The following RSRC1 variants were observed in gnomAD, a reference collection of about 807,000 sequenced individuals.
The protein encoded by RSRC1 is arginine and serine rich coiled-coil 1, also known as serine/Arginine-related protein 53.
RSRC1 carries 39 observed loss-of-function variants against 49.1 expected under a neutral mutation model. That is an observed-to-expected ratio of 0.79 (90% CI 0.61 to 1.04). The LOEUF is 1.04. Among genes scored for constraint, RSRC1 ranks in the 50% least tolerant of loss-of-function variants. The pLI, the probability that RSRC1 is intolerant of heterozygous loss-of-function variation, is 0.00. For synonymous variants in RSRC1, 143 were observed against 130.8 expected (o/e 1.09, Z -0.63); for missense variants, 388 against 402.4 (o/e 0.96, Z 0.31).
At chr3:158,367,897 G>A (rs1021449712) in intron 6 of RSRC1, among the ~76,000 whole-genome samples, 3 of 151,874 alleles carry the variant, frequency 2.0e-5, no homozygotes, top group Admixed American at 6.6e-5. Flanking sequence ...TTAGCTTTTT[G>A]TTAATCCAAA....
At chr3:158,380,760 A>G (rs1309105423) in intron 6 of RSRC1, among the ~76,000 whole-genome samples, 2 of 152,124 alleles carry the variant, frequency 1.3e-5, no homozygotes, top group Admixed American at 6.6e-5. Flanking sequence ...TTTAGTGCTT[A>G]TATTTGGTGA....
chr3:158,362,426 T>C (rs1731530316), intron 6 of RSRC1, among the ~76,000 whole-genome samples: 1 of 152,200 alleles, frequency 6.6e-6, no homozygotes, highest in Admixed American at 6.5e-5. Flanking sequence ...TCAGAGAACA[T>C]TTTAGCTGTT....
In RSRC1 at chr3:158,509,304, A is replaced by G. The variant is rs57009264; in HGVS notation, c.653-27788A>G. 1.8e-3 allele frequency among the ~76,000 whole-genome samples: 279 copies of G among 152,304 alleles called. 1 individual carries two copies. The highest frequency in any genetic ancestry group is 6.4e-3 in the African/African-American group (268 of 41,582). On this transcript the variant is annotated intron_variant, in intron 7 of 9. Transcript: ENST00000611884. ...ATGACATACATTCAAAAGCCTCTTT[A>G]GAAGATATGTAAAGGGCATAAAGAA...
At chr3:158,131,578 G>C (rs1716028469) in intron 3 of RSRC1, among the ~76,000 whole-genome samples, 1 of 152,070 alleles carries the variant, frequency 6.6e-6, no homozygotes, top group Non-Finnish European at 1.5e-5. Context: ...TCATGAACTT[G>C]GTACTCCCAA....
intron 7 of RSRC1, among the ~76,000 whole-genome samples, chr3:158,515,777 T>C (rs926391879): frequency 6.6e-6 from 1 of 151,788 alleles, no homozygotes; most frequent in African/African-American, 2.4e-5. Context: ...GTCCCATATT[T>C]CTTGGAGGCT....
At chr3:158,137,756 C>T (rs1156928994) in intron 3 of RSRC1, among the ~76,000 whole-genome samples, 8 of 151,146 alleles carry the variant, frequency 5.3e-5, no homozygotes, top group Non-Finnish European at 1.0e-4. Flanking sequence ...TGGGTTGAAG[C>T]GATTCTCCTG....
chr3:158,404,122 C>G (rs1207652352), intron 6 of RSRC1, among the ~76,000 whole-genome samples: 7 of 151,798 alleles, frequency 4.6e-5, no homozygotes, highest in Non-Finnish European at 7.4e-5. Context: ...ATGAATTTTT[C>G]AGGGAAGTGC....
intron 3 of RSRC1, among the ~76,000 whole-genome samples, chr3:158,155,523 C>G (rs1717811616): frequency 6.6e-6 from 1 of 151,880 alleles, no homozygotes; most frequent in Non-Finnish European, 1.5e-5. Context: ...CAGCCTCTAC[C>G]TCTCAGGCTG....
chr3:158,323,383 A>G (rs1392901408), intron 5 of RSRC1, among the ~76,000 whole-genome samples: 1 of 152,120 alleles, frequency 6.6e-6, no homozygotes, highest in Non-Finnish European at 1.5e-5. Flanking sequence ...GATCTTTGTG[A>G]ATTAGGAATA....
At chr3:158,284,583 T>C (rs1203729284) in intron 4 of RSRC1, among the ~76,000 whole-genome samples, 1 of 144,652 alleles carries the variant, frequency 6.9e-6, no homozygotes, top group Non-Finnish European at 1.5e-5. Context: ...ATGATTGCCA[T>C]TCTAACTGGT....
At chr3:158,490,086 G>GGTTTT (rs1456354025) in intron 7 of RSRC1, among the ~76,000 whole-genome samples, 1 of 151,942 alleles carries the variant, frequency 6.6e-6, no homozygotes, top group Non-Finnish European at 1.5e-5. Flanking sequence ...AATTGTTTTT[G>GGTTTT]GTTTTGTTTT....
chr3:158,232,372 TTTTTC>T (rs928091362), intron 4 of RSRC1, among the ~76,000 whole-genome samples: 7 of 152,154 alleles, frequency 4.6e-5, no homozygotes, highest in Admixed American at 1.3e-4. Context: ...TGACAATTCT[TTTTTC>T]TTATCAGTTC....
At chr3:158,373,985 A>G (rs10936135) in intron 6 of RSRC1, among the ~76,000 whole-genome samples, 65,171 of 151,850 alleles carry the variant, frequency 0.43, 14,854 homozygotes, top group South Asian at 0.6. Context: ...TATTGTTGGT[A>G]ATTGTTCTGA....
chr3:158,198,326 T>C (rs1720776899), intron 3 of RSRC1, among the ~76,000 whole-genome samples: 1 of 152,300 alleles, frequency 6.6e-6, no homozygotes, highest in East Asian at 1.9e-4. Context: ...CTGCCTTTTT[T>C]TGTTTCCCAT....
chr3:158,388,618 T>G lies in RSRC1; in HGVS notation c.583+33710T>G, dbSNP rs1013228328. 4.0e-5 allele frequency among the ~76,000 whole-genome samples: 6 copies of G among 151,518 alleles called. No individual in the cohort carries two copies. In the South Asian group the frequency reaches 6.2e-4, roughly 16 times the overall value. On this transcript the variant is annotated intron_variant, in intron 6 of 9. Coordinates refer to ENST00000611884, the MANE Select transcript of RSRC1 (RefSeq NM_001271838.2). ...CAAATTAGCCGTGTTTTTTGTTTTT[T>G]TTTTTTTTTTGAGACTGAGTCTCGC...
intron 3 of RSRC1, among the ~76,000 whole-genome samples, chr3:158,162,389 T>G (rs1455021691): frequency 6.6e-6 from 1 of 152,198 alleles, no homozygotes; most frequent in Admixed American, 6.5e-5. Flanking sequence ...AAAGAGCATG[T>G]TAATGGTATC....
intron 3 of RSRC1, among the ~76,000 whole-genome samples, chr3:158,165,592 A>G (rs936984166): frequency 2.6e-5 from 4 of 152,168 alleles, no homozygotes; most frequent in African/African-American, 9.7e-5. Flanking sequence ...GCTTAAATGC[A>G]TTTTCTTGTG....
At chr3:158,517,145 G>A (rs1358696145) in intron 7 of RSRC1, among the ~76,000 whole-genome samples, 1 of 151,826 alleles carries the variant, frequency 6.6e-6, no homozygotes. Context: ...TTTATTCCTA[G>A]TTGCCTTATA....
At chr3:158,329,614 G>A (rs775529357) in intron 5 of RSRC1, among the ~76,000 whole-genome samples, 4 of 152,186 alleles carry the variant, frequency 2.6e-5, no homozygotes, top group Non-Finnish European at 5.9e-5. Context: ...TCTCAGAGGG[G>A]TACCCGGCTG....
Sources: gnomAD v4.1 joint callset for allele counts (sites outside exome capture counted in the v4.1 genomes callset) on GRCh38, gnomAD v4.1.1 for gene constraint, MANE v1.5 for transcripts, NCBI Gene and HGNC (gene_info 2026-07-23, HGNC 2026-07-21) for gene names.